The following C2CD5 variants were observed in gnomAD, a reference collection of about 807,000 sequenced individuals.
C2CD5 encodes the protein C2 domain-containing protein 5.
In C2CD5, 109 loss-of-function variants were observed where a neutral mutation model predicts 130.3. That is an observed-to-expected ratio of 0.84 (90% confidence interval 0.72 to 0.98). C2CD5 has a LOEUF of 0.98. C2CD5 is among the 50% of genes least tolerant of loss of function. C2CD5 has a pLI of 0.00. For missense variants in C2CD5, 996 were observed against 1,261.8 expected (o/e 0.79, Z 3.19); for synonymous variants, 454 against 429.2 (o/e 1.06, Z -0.71).
chr12:22,455,318 A>C (rs1242699874), intron 25 of C2CD5, among the ~76,000 whole-genome samples: 4 of 152,196 alleles, frequency 2.6e-5, no homozygotes, highest in Non-Finnish European at 5.9e-5. Flanking sequence ...AATATTAATT[A>C]ACTGTAAGAA....
At chr12:22,544,040 G>C in intron 2 of C2CD5, 21 bp downstream of exon 2, 1 of 1,581,402 alleles carries the variant, frequency 6.3e-7, no homozygotes, top group African/African-American at 1.3e-5. Flanking sequence ...TGTGTTTTGA[G>C]GGGCAGGACC....
chr12:22,468,599 T>C (rs1942491366), intron 22 of C2CD5, among the ~76,000 whole-genome samples: 2 of 152,198 alleles, frequency 1.3e-5, no homozygotes, highest in African/African-American at 2.4e-5. Flanking sequence ...ACCTTTGAAT[T>C]TGATTTTTCC....
chr12:22,487,439 A>C (rs1158054888), intron 12 of C2CD5, among the ~76,000 whole-genome samples: 3 of 152,356 alleles, frequency 2.0e-5, no homozygotes, highest in Non-Finnish European at 4.4e-5. Context: ...CAGCCAAAAG[A>C]CACATGAAAA....
intron 10 of C2CD5, among the ~76,000 whole-genome samples, chr12:22,497,285 G>A (rs1199014845): frequency 2.0e-5 from 3 of 151,998 alleles, no homozygotes; most frequent in South Asian, 2.1e-4. Flanking sequence ...ACAGCTACCC[G>A]AGAGAACTTG....
chr12:22,470,993 G>C (rs2136170474), intron 20 of C2CD5, 82 bp from the exon 21 acceptor site: 3 of 876,000 alleles, frequency 3.4e-6, no homozygotes, highest in East Asian at 2.5e-5. Context: ...CAGTACCACG[G>C]AACAACCTAC....
chr12:22,535,389 T>G, intron 2 of C2CD5, 45 bp from the exon 3 acceptor site: 1 of 1,017,406 alleles, frequency 9.8e-7, no homozygotes, highest in Non-Finnish European at 1.5e-6. Context: ...ATCAAAAATG[T>G]GAATAAAAGT....
intron 22 of C2CD5, among the ~76,000 whole-genome samples, chr12:22,461,196 A>T (rs1941079603): frequency 6.6e-6 from 1 of 152,148 alleles, no homozygotes; most frequent in Admixed American, 6.5e-5. Context: ...TGGGACACCA[A>T]CTGTCCTACC....
Position 22,530,123 on chromosome 12 carries a change from C to T in C2CD5, c.178-2231G>A, listed in dbSNP as rs867002688. ...ATATATATATATATACACACACACA[C>T]ACACACACACACACACAGTGTATAT... On this transcript the variant is annotated intron_variant, in intron 3 of 26. Coordinates refer to ENST00000446597, the MANE Select transcript of C2CD5 (RefSeq NM_001286176.2). Among the ~76,000 whole-genome samples, 1,233 of 136,248 alleles carry T rather than the reference C, an allele frequency of 9.0e-3. 4 individuals are homozygous for T. Among genetic ancestry groups the T allele is most frequent in the South Asian group, 0.019 (76 of 3,994 alleles). The allele number at this position is 136,248 out of a possible 152,430, so 89.4% of individuals were successfully genotyped here.
intron 14 of C2CD5, among the ~76,000 whole-genome samples, 160 bp downstream of exon 14, chr12:22,482,397 T>A (rs1056633474): frequency 3.3e-5 from 5 of 152,190 alleles, no homozygotes; most frequent in African/African-American, 1.2e-4. Context: ...TGTGAAAACC[T>A]ATCACCAGAT....
chr12:22,510,412 A>G (rs1949056238), intron 9 of C2CD5, among the ~76,000 whole-genome samples: 1 of 152,212 alleles, frequency 6.6e-6, no homozygotes, highest in Non-Finnish European at 1.5e-5. Context: ...AATATTTAAT[A>G]GTGTGTGCTC....
At chr12:22,495,692 A>G (rs1565727904) in intron 10 of C2CD5, among the ~76,000 whole-genome samples, 1 of 152,168 alleles carries the variant, frequency 6.6e-6, no homozygotes, top group African/African-American at 2.4e-5. Context: ...GTATTTAATA[A>G]GTATTTACAA....
intron 14 of C2CD5, among the ~76,000 whole-genome samples, chr12:22,480,974 T>C (rs1944625180): frequency 6.6e-6 from 1 of 151,958 alleles, no homozygotes; most frequent in South Asian, 2.1e-4. Context: ...CTGGGTAATT[T>C]TTGTATTTTT....
intron 2 of C2CD5, among the ~76,000 whole-genome samples, chr12:22,536,477 C>T (rs1951824887): frequency 6.6e-6 from 1 of 152,148 alleles, no homozygotes; most frequent in African/African-American, 2.4e-5. Flanking sequence ...CATAAGCCCT[C>T]CCCACCAAAA....
intron 8 of C2CD5, among the ~76,000 whole-genome samples, chr12:22,513,723 C>T (rs1305746191): frequency 6.6e-6 from 1 of 151,968 alleles, no homozygotes; most frequent in Admixed American, 6.6e-5. Flanking sequence ...AATTACTATG[C>T]TAACAATTTA....
chr12:22,507,363 A>G (rs1038865434), intron 9 of C2CD5, among the ~76,000 whole-genome samples: 1 of 152,236 alleles, frequency 6.6e-6, no homozygotes, highest in Non-Finnish European at 1.5e-5. Flanking sequence ...AGATGGGTAG[A>G]GAATCATTGT....
Position 22,541,543 on chromosome 12 carries a change from A to C in C2CD5, c.90+2518T>G, listed in dbSNP as rs570933541. ...CCTTCACTGACTACGTGCCAGCCAC[A>C]CGCATTTTCCTTCACTTCTTAAAAC... On this transcript the variant is annotated intron_variant, in intron 2 of 26. Transcript: ENST00000446597. Among the ~76,000 whole-genome samples, 9 of 152,274 alleles carry C rather than the reference A, an allele frequency of 5.9e-5. No homozygotes were observed. The East Asian group carries it at 1.7e-3, about 29-fold the overall frequency.
At chr12:22,500,557 C>G (rs769061640) in intron 10 of C2CD5, among the ~76,000 whole-genome samples, 4 of 152,152 alleles carry the variant, frequency 2.6e-5, no homozygotes, top group Non-Finnish European at 4.4e-5. Context: ...TTGTATCACA[C>G]CATACCACAC....
chr12:22,496,402 C>T (rs565813213), intron 10 of C2CD5, among the ~76,000 whole-genome samples: 98 of 152,040 alleles, frequency 6.4e-4, no homozygotes, highest in Non-Finnish European at 1.1e-3. Flanking sequence ...GGATACTATA[C>T]TAACATAAAT....
chr12:22,460,537 T>C (rs1255825143), intron 22 of C2CD5: 1 of 152,154 alleles, frequency 6.6e-6, no homozygotes, highest in East Asian at 1.9e-4. Context: ...ATGTTGCTGC[T>C]AATTGAAAAT....
Sources: allele counts gnomAD v4.1 joint callset (sites outside exome capture counted in the v4.1 genomes callset), GRCh38; gene constraint gnomAD v4.1.1; transcripts MANE v1.5; gene names NCBI Gene and HGNC (gene_info 2026-07-23, HGNC 2026-07-21).